TXNDC16: variants seen among roughly 807,000 people sequenced by gnomAD.
The protein encoded by TXNDC16 is thioredoxin domain containing 16, also known as thioredoxin domain-containing protein 16.
A neutral mutation model predicts 85.6 loss-of-function variants in TXNDC16; 74 were observed. The ratio of observed to expected loss-of-function variants is 0.86; its 90% confidence interval spans 0.72 to 1.05. TXNDC16 has a LOEUF of 1.05. TXNDC16 is among the 50% of genes least tolerant of loss of function. The probability of loss-of-function intolerance (pLI) is 0.00; values close to 1 mark genes in which losing one functional copy is unlikely to be tolerated. For missense variants in TXNDC16, 959 were observed against 947.0 expected, an observed-to-expected ratio of 1.01 and a Z score of -0.17; for synonymous variants, 335 against 326.5, an observed-to-expected ratio of 1.03 and a Z score of -0.28.
At chr14:52,446,743 G>A (rs536958632) in intron 18 of TXNDC16, among the ~76,000 whole-genome samples, 4 of 152,208 alleles carry the variant, frequency 2.6e-5, no homozygotes, top group Admixed American at 2.6e-4. Flanking sequence ...TCAGCCACAG[G>A]AGGACAGGGC....
chr14:52,434,900 G>A (rs1416748663), intron 20 of TXNDC16, among the ~76,000 whole-genome samples: 2 of 152,158 alleles, frequency 1.3e-5, no homozygotes, highest in African/African-American at 4.8e-5. Flanking sequence ...GAATGAGCTG[G>A]CAAAGATGTT....
At chr14:52,477,810 A>G (rs759590786) in intron 14 of TXNDC16, among the ~76,000 whole-genome samples, 1 of 152,124 alleles carries the variant, frequency 6.6e-6, no homozygotes, top group Non-Finnish European at 1.5e-5. Context: ...TTTAAACTAT[A>G]CCCTGGTACA....
At chr14:52,524,902 C>A (rs969429105) in intron 6 of TXNDC16, among the ~76,000 whole-genome samples, 11 of 151,962 alleles carry the variant, frequency 7.2e-5, no homozygotes, top group African/African-American at 2.7e-4. Flanking sequence ...GGGAGGATCA[C>A]CTGGGGTCCG....
At chr14:52,494,808 G>A (rs561858286) in intron 9 of TXNDC16, among the ~76,000 whole-genome samples, 4 of 152,348 alleles carry the variant, frequency 2.6e-5, no homozygotes, top group African/African-American at 4.8e-5. Flanking sequence ...TTACATGCAG[G>A]AAGATGTAGG....
At chr14:52,546,663 T>C (rs1431732048) in intron 1 of TXNDC16, among the ~76,000 whole-genome samples, 1 of 152,238 alleles carries the variant, frequency 6.6e-6, no homozygotes, top group Admixed American at 6.5e-5. Context: ...TCCCAGCTAA[T>C]GTGTAATAAG....
At chr14:52,478,913 C>A (rs1262367985) in intron 14 of TXNDC16, among the ~76,000 whole-genome samples, 1 of 152,066 alleles carries the variant, frequency 6.6e-6, no homozygotes, top group East Asian at 1.9e-4. Context: ...CTATAATCCT[C>A]AACAAAACAC....
At chr14:52,490,213 T>C (rs550895269) in intron 11 of TXNDC16, among the ~76,000 whole-genome samples, 178 bp downstream of exon 11, 5 of 152,308 alleles carry the variant, frequency 3.3e-5, no homozygotes, top group Admixed American at 1.3e-4. Context: ...TACGTGAACA[T>C]AGGATACAAA....
rs1455468474 is a variant in TXNDC16 at position 52,525,728 on chromosome 14, AT to A, written c.393-6436del. ...AATAATAATAATAATAATAATAATA[AT>A]AATAATAATAATAATAAATAAAAAT... On this transcript the variant is annotated intron_variant, in intron 6 of 20. Coordinates refer to ENST00000281741, the MANE Select transcript of TXNDC16 (RefSeq NM_020784.3). 1.7e-4 allele frequency among the ~76,000 whole-genome samples: 24 copies of A among 142,318 alleles called. No homozygotes were observed. In the South Asian group the frequency reaches 3.8e-3, roughly 23 times the overall value. 93.4% of individuals were successfully genotyped at this position (142,318 alleles called of 152,430 possible). A position where few individuals can be genotyped will look rare whatever the true frequency, so the allele number is the denominator to read the frequency against.
chr14:52,432,936 A>C (rs1042314789), intron 20 of TXNDC16, among the ~76,000 whole-genome samples: 1 of 152,222 alleles, frequency 6.6e-6, no homozygotes, highest in South Asian at 2.1e-4. Context: ...ACATATGTAA[A>C]ACGTTAAATG....
intron 6 of TXNDC16, among the ~76,000 whole-genome samples, chr14:52,529,553 A>G (rs1420801503): frequency 4.9e-5 from 5 of 101,128 alleles, no homozygotes; most frequent in Non-Finnish European, 7.5e-5. Flanking sequence ...TATATATAAT[A>G]TATATAATGC....
At position 52,506,946 on chromosome 14, in the gene TXNDC16, C is replaced by T. The variant is rs559616643; in HGVS notation, c.756+4294G>A. Among the ~76,000 whole-genome samples, 26 of 151,910 alleles carry T rather than the reference C, an allele frequency of 1.7e-4. No individual in the cohort carries two copies. The Middle Eastern group carries it at 0.014, about 79-fold the overall frequency. On this transcript the variant is annotated intron_variant, in intron 9 of 20. Transcript: ENST00000281741. The stretch of plus-strand genomic sequence containing the variant: ...ATAAGAGCTATCTATGACAAACCCA[C>T]AGCCAATATCATACTGAATGGGCAA...
In TXNDC16 at chr14:52,430,879, G is replaced by T. The variant is rs75381963; in HGVS notation, c.*1425C>A. 2 of 152,130 alleles carry T rather than the reference G, an allele frequency of 1.3e-5. No individual in the cohort carries two copies. The highest frequency in any genetic ancestry group is 2.4e-5 in the African/African-American group (1 of 41,430). The allele number at this position is 152,130 out of a possible 1,614,324, so 9.4% of individuals were successfully genotyped here. On this transcript the variant is annotated 3_prime_UTR_variant, in exon 21 of 21. Transcript: ENST00000281741. ...AGGAGAGGGTGCTGAGAGTAGCAAC[G>T]GGTCTATGTTATAAGGAAATATATG...
chr14:52,437,235 G>T (rs973664481), intron 20 of TXNDC16, among the ~76,000 whole-genome samples: 1 of 152,020 alleles, frequency 6.6e-6, no homozygotes, highest in African/African-American at 2.4e-5. Flanking sequence ...TTCTGGCTCT[G>T]TCCAAATCAG....
At chr14:52,437,152 A>G (rs534829486) in intron 20 of TXNDC16, among the ~76,000 whole-genome samples, 6 of 152,138 alleles carry the variant, frequency 3.9e-5, no homozygotes, top group Admixed American at 6.5e-5. Flanking sequence ...TTTTCAGAAA[A>G]GTGGATATTA....
At chr14:52,476,530 A>C (rs1370745829) in intron 14 of TXNDC16, among the ~76,000 whole-genome samples, 1 of 152,152 alleles carries the variant, frequency 6.6e-6, no homozygotes, top group African/African-American at 2.4e-5. Flanking sequence ...GCACTTATAG[A>C]AATGCAAAAT....
rs1466441396 is a variant in TXNDC16 at position 52,530,554 on chromosome 14, TA to T, written c.392+6164del. ...TATAATAATATAATATATAATTATA[TA>T]ATATTATATATAATAATATATAATT... is the stretch of plus-strand genomic sequence containing the variant. On this transcript the variant is annotated intron_variant, in intron 6 of 20. Transcript: ENST00000281741. 6.6e-5 allele frequency among the ~76,000 whole-genome samples: 3 copies of T among 45,674 alleles called. 1 individual carries two copies. Among genetic ancestry groups the T allele is most frequent in the Admixed American group, 9.4e-4 (2 of 2,118 alleles). 30.0% of individuals were successfully genotyped at this position (45,674 alleles called of 152,430 possible).
chr14:52,505,772 A>G (rs2140174616), intron 9 of TXNDC16, among the ~76,000 whole-genome samples: 1 of 152,334 alleles, frequency 6.6e-6, no homozygotes, highest in Middle Eastern at 3.4e-3. Flanking sequence ...AAAAAAATCA[A>G]TGAATCCAGG....
intron 6 of TXNDC16, among the ~76,000 whole-genome samples, chr14:52,530,951 G>A (rs1198283890): frequency 1.3e-5 from 2 of 151,798 alleles, no homozygotes; most frequent in African/African-American, 4.8e-5. Flanking sequence ...AAATATATCT[G>A]ATGAAGCACT....
At chr14:52,458,568 G>A (rs935910942) in intron 16 of TXNDC16, among the ~76,000 whole-genome samples, 2 of 152,078 alleles carry the variant, frequency 1.3e-5, no homozygotes, top group East Asian at 1.9e-4. Flanking sequence ...AAAGAGAGAC[G>A]AGAGACAGAG....
Sources: allele counts gnomAD v4.1 joint callset (sites outside exome capture counted in the v4.1 genomes callset), GRCh38; gene constraint gnomAD v4.1.1; transcripts MANE v1.5; gene names NCBI Gene and HGNC (gene_info 2026-07-23, HGNC 2026-07-21).